Variants in SOAT1 observed in about 807,000 individuals in gnomAD.
The protein encoded by SOAT1 is sterol O-acyltransferase 1.
In SOAT1, 55 loss-of-function variants were observed where a neutral mutation model predicts 69.5. That is an observed-to-expected ratio of 0.79 (90% CI 0.64 to 0.99). SOAT1 has a LOEUF of 0.99. Ranked by LOEUF, SOAT1 falls within the 50% of genes least tolerant of loss-of-function variation. The pLI is 0.00. For synonymous variants in SOAT1, 231 were observed against 224.7 expected (o/e 1.03, Z -0.25); for missense variants, 580 against 669.3 (o/e 0.87, Z 1.47).
chr1:179,295,574 A>ATT (rs1489505622), intron 1 of SOAT1, among the ~76,000 whole-genome samples: 1 of 152,360 alleles, frequency 6.6e-6, no homozygotes, highest in Admixed American at 6.5e-5. Context: ...AATGAGAAAT[A>ATT]CAGTGATCCC....
In SOAT1 at chr1:179,353,830, A is replaced by G. The variant is rs1028858282; in HGVS notation, c.*189A>G. Reference sequence around the variant, plus strand: ...AAGTTCACTGGAGTCTTGTACACTTAAGCAGAGCAGAACTTTTTTTGTGGG... The same window carrying G: ...AAGTTCACTGGAGTCTTGTACACTTGAGCAGAGCAGAACTTTTTTTGTGGG... On this transcript the variant is annotated 3_prime_UTR_variant, in exon 16 of 16. Coordinates refer to ENST00000367619, the MANE Select transcript of SOAT1 (RefSeq NM_003101.6). 46 of 574,036 alleles carry G rather than the reference A, an allele frequency of 8.0e-5. No homozygotes were observed. Among genetic ancestry groups the G allele is most frequent in the Non-Finnish European group, 1.3e-4 (42 of 327,298 alleles). The allele number at this position is 574,036 out of a possible 1,614,324, so 35.6% of individuals were successfully genotyped here.
intron 2 of SOAT1, among the ~76,000 whole-genome samples, chr1:179,311,359 A>C (rs1665213917): frequency 1.3e-5 from 2 of 152,128 alleles, no homozygotes; most frequent in African/African-American, 4.8e-5. Context: ...GAGCAAGACT[A>C]TATGTTAAAA....
intron 5 of SOAT1, 152 bp from the exon 6 acceptor site, chr1:179,339,286 A>G (rs1666253397): frequency 6.7e-6 from 3 of 447,870 alleles, no homozygotes; most frequent in African/African-American, 6.1e-5. Flanking sequence ...TAGGTTTTAA[A>G]GAATGTAGAC....
At chr1:179,340,311 A>G (rs1666289003) in intron 6 of SOAT1, among the ~76,000 whole-genome samples, 1 of 152,142 alleles carries the variant, frequency 6.6e-6, no homozygotes, top group Non-Finnish European at 1.5e-5. Context: ...CCTGGGCAAC[A>G]TCTCTACAAA....
In SOAT1 at chr1:179,296,657, A is replaced by AT. The variant is rs941517781; in HGVS notation, c.-9+2729dup. 2.6e-4 allele frequency among the ~76,000 whole-genome samples: 39 copies of AT among 151,898 alleles called. 1 individual carries two copies. Among genetic ancestry groups the AT allele is most frequent in the Middle Eastern group, 3.2e-3 (1 of 316 alleles). On this transcript the variant is annotated intron_variant, in intron 1 of 15. Coordinates refer to ENST00000367619, the MANE Select transcript of SOAT1 (RefSeq NM_003101.6). ...GCCAACCTTTGGGTGCCAGAGGGAA[A>AT]TTTTTTTTGCTCTGGATTGTAAATT...
intron 4 of SOAT1, among the ~76,000 whole-genome samples, chr1:179,336,165 A>G (rs1666145456): frequency 1.3e-5 from 2 of 151,208 alleles, no homozygotes; most frequent in Admixed American, 6.6e-5. Context: ...AAAAAAAAAA[A>G]AAGACTGACT....
rs1666388800 is a variant in SOAT1 at position 179,342,877 on chromosome 1, C to T, written c.875C>T (p.Pro292Leu). 1.2e-6 allele frequency: 2 copies of T among 1,613,182 alleles called. No homozygotes were observed. The highest frequency in any genetic ancestry group is 1.7e-6 in the Non-Finnish European group (2 of 1,179,410). Residue 292 changes from proline to leucine, a missense_variant, in exon 9 of 16, where the codon CCT becomes CTT. Physicochemically the swap from Pro to Leu is moderately conservative, Grantham distance 98. Coordinates refer to ENST00000367619, the MANE Select transcript of SOAT1 (RefSeq NM_003101.6). ...AKEKSSTVPI[P>L]TVNQYLYFLF... Reference sequence around the variant, plus strand: ...CCTTTTCTAGGCACTGTTCCAATACCTACAGTCAACCAGTATTTGTACTTC... The same window carrying T: ...CCTTTTCTAGGCACTGTTCCAATACTTACAGTCAACCAGTATTTGTACTTC...
intron 2 of SOAT1, among the ~76,000 whole-genome samples, chr1:179,309,928 T>C (rs181280544): frequency 6.6e-6 from 1 of 152,160 alleles, no homozygotes; most frequent in Non-Finnish European, 1.5e-5. Context: ...GGAGTCTCGC[T>C]CTGTTGCCCA....
chr1:179,338,050 TC>T (rs1381281833), intron 5 of SOAT1, among the ~76,000 whole-genome samples, 154 bp downstream of exon 5: 3 of 152,206 alleles, frequency 2.0e-5, no homozygotes, highest in Non-Finnish European at 4.4e-5. Context: ...TCCTTTCTGA[TC>T]TTTTGGTTCT....
chr1:179,296,749 G>A (rs1414644345), intron 1 of SOAT1, among the ~76,000 whole-genome samples: 1 of 152,110 alleles, frequency 6.6e-6, no homozygotes, highest in Non-Finnish European at 1.5e-5. Flanking sequence ...TCTTTACCTG[G>A]AGTAGGCACT....
rs1052846164 is a variant in SOAT1, at chr1:179,353,815, G to A, written c.*174G>A. The A allele has an allele frequency of 4.8e-6, 3 of 629,492 alleles. No individual in the cohort carries two copies. The highest frequency in any genetic ancestry group is 6.1e-5 in the Admixed American group (2 of 32,750). The allele number at this position is 629,492 out of a possible 1,614,324, so 39.0% of individuals were successfully genotyped here. On this transcript the variant is annotated 3_prime_UTR_variant, in exon 16 of 16. Transcript: ENST00000367619. ...AAGCCAAACTGTTGGAAGTTCACTGGAGTCTTGTACACTTAAGCAGAGCAG... is the reference window on the plus strand; with the variant it reads ...AAGCCAAACTGTTGGAAGTTCACTGAAGTCTTGTACACTTAAGCAGAGCAG...
At chr1:179,302,606 C>T (rs1664869636) in intron 1 of SOAT1, 71 bp from the exon 2 acceptor site, 9 of 831,484 alleles carry the variant, frequency 1.1e-5, no homozygotes, top group Non-Finnish European at 1.6e-5. Flanking sequence ...TTATAAATTA[C>T]CCAGTCTCAG....
At chr1:179,335,400 G>A (rs550009438) in intron 3 of SOAT1, 106 bp from the exon 4 acceptor site, 3 of 984,956 alleles carry the variant, frequency 3.0e-6, no homozygotes, top group African/African-American at 3.3e-5. Flanking sequence ...AACTCACTAT[G>A]TCTTTCTTTT....
At chr1:179,351,245 T>C (rs1166558402) in intron 14 of SOAT1, 72 bp from the exon 15 acceptor site, 15 of 1,331,638 alleles carry the variant, frequency 1.1e-5, no homozygotes, top group African/African-American at 5.8e-5. Flanking sequence ...GGTTTCACCA[T>C]GTTGGCCAGG....
chr1:179,306,886 GA>G (rs1197515745), intron 2 of SOAT1, among the ~76,000 whole-genome samples: 1 of 150,124 alleles, frequency 6.7e-6, no homozygotes, highest in East Asian at 2.0e-4. Flanking sequence ...ATGCTAGTGT[GA>G]CAAGGCAGAG....
intron 1 of SOAT1, among the ~76,000 whole-genome samples, chr1:179,296,517 AAG>A (rs1664651428): frequency 6.6e-6 from 1 of 152,222 alleles, no homozygotes; most frequent in South Asian, 2.1e-4. Context: ...ATTGGTTAAT[AAG>A]AGATTATACT....
At chr1:179,294,142 A>G (rs774670941) in intron 1 of SOAT1, among the ~76,000 whole-genome samples, 4 of 152,256 alleles carry the variant, frequency 2.6e-5, no homozygotes, top group Admixed American at 6.5e-5. Context: ...GGTCACGGGC[A>G]GCCTTTTAAA....
Position 179,354,503 on chromosome 1 carries a change from C to G in SOAT1, c.*862C>G, listed in dbSNP as rs1666846068. The G allele has an allele frequency of 6.6e-6, 1 of 152,162 alleles. No individual in the cohort carries two copies. 9.4% of individuals were successfully genotyped at this position (152,162 alleles called of 1,614,324 possible). ...ATATTCCTTTTTAACTTTGTGGTAA[C>G]TTCTTTGAAGTTATTTAGAAATATC... On this transcript the variant is annotated 3_prime_UTR_variant, in exon 16 of 16. Transcript: ENST00000367619.
At chr1:179,346,782 G>A (rs578161881) in intron 11 of SOAT1, among the ~76,000 whole-genome samples, 1 of 152,212 alleles carries the variant, frequency 6.6e-6, no homozygotes, top group African/African-American at 2.4e-5. Flanking sequence ...TCCTCCAATT[G>A]TCACAGCACT....
Sources: gnomAD v4.1 joint callset for allele counts (sites outside exome capture counted in the v4.1 genomes callset) on GRCh38, gnomAD v4.1.1 for gene constraint, MANE v1.5 for transcripts, NCBI Gene and HGNC (gene_info 2026-07-23, HGNC 2026-07-21) for gene names.